SPP2: variants seen among roughly 807,000 people sequenced by gnomAD.
SPP2 encodes the protein secreted phosphoprotein 24.
SPP2 carries 34 observed loss-of-function variants against 28.8 expected under a neutral mutation model. The observed-to-expected ratio is 1.18, with a 90% CI of 0.90 to 1.57. The LOEUF (loss-of-function observed/expected upper bound fraction) is 1.57. Among genes scored for constraint, SPP2 ranks in the 40% most tolerant of loss-of-function variants. SPP2 has a pLI of 0.00. For synonymous variants in SPP2, 96 were observed against 89.4 expected, an observed-to-expected ratio of 1.07 and a Z score of -0.42; for missense variants, 269 against 263.9, an observed-to-expected ratio of 1.02 and a Z score of -0.13.
intron 3 of SPP2, 99 bp from the exon 4 acceptor site, chr2:234,060,270 T>G (rs1349320873): frequency 1.7e-5 from 14 of 816,296 alleles, no homozygotes; most frequent in Non-Finnish European, 2.4e-5. Context: ...TTCTTTGTCA[T>G]TTCGTCAAAC....
intron 4 of SPP2, 58 bp downstream of exon 4, chr2:234,060,537 G>C: frequency 7.1e-7 from 1 of 1,402,628 alleles, no homozygotes; most frequent in South Asian, 1.2e-5. Context: ...GTGTGGGTTT[G>C]TGAAAAACAG....
At position 234,060,654 on chromosome 2, in the gene SPP2, C is replaced by T. The variant is rs1178179250; in HGVS notation, c.444+175C>T. On this transcript the variant is annotated intron_variant, in intron 4 of 7. Transcript: ENST00000168148. The stretch of plus-strand genomic sequence containing the variant: ...ACCTACAGCCTCATTGTCCACATCC[C>T]CTACTTCTCCCAGCTTATTCTTTCA... Among the ~76,000 whole-genome samples, 10 of 151,998 alleles carry T rather than the reference C, an allele frequency of 6.6e-5. 1 individual carries two copies. Among genetic ancestry groups the T allele is most frequent in the Admixed American group, 6.6e-4 (10 of 15,254 alleles).
At chr2:234,067,044 G>T (rs1248427492) in intron 5 of SPP2, among the ~76,000 whole-genome samples, 180 bp from the exon 6 acceptor site, 1 of 152,152 alleles carries the variant, frequency 6.6e-6, no homozygotes, top group Non-Finnish European at 1.5e-5. Context: ...AAGTGGGTTG[G>T]GTTAGTGTTC....
At chr2:234,053,935 A>G (rs1264444375) in intron 2 of SPP2, among the ~76,000 whole-genome samples, 1 of 151,382 alleles carries the variant, frequency 6.6e-6, no homozygotes, top group African/African-American at 2.4e-5. Context: ...AGGGAGGGGA[A>G]GGGGAAGAAA....
intron 7 of SPP2, among the ~76,000 whole-genome samples, chr2:234,072,717 GC>G (rs1690819878): frequency 6.6e-6 from 1 of 152,134 alleles, no homozygotes; most frequent in Non-Finnish European, 1.5e-5. Context: ...GGTAAGGCCG[GC>G]ATAGTGGGTC....
chr2:234,073,044 C>G (rs999996753), intron 7 of SPP2, among the ~76,000 whole-genome samples: 1 of 152,066 alleles, frequency 6.6e-6, no homozygotes, highest in Non-Finnish European at 1.5e-5. Flanking sequence ...CCCACCACCA[C>G]GCCCAGCTAA....
At chr2:234,072,206 T>C (rs1690803192) in intron 7 of SPP2, among the ~76,000 whole-genome samples, 1 of 152,230 alleles carries the variant, frequency 6.6e-6, no homozygotes, top group Non-Finnish European at 1.5e-5. Flanking sequence ...TCAACTGACA[T>C]TTTACTAAAA....
intron 2 of SPP2, among the ~76,000 whole-genome samples, chr2:234,052,773 C>A (rs754327658): frequency 6.6e-6 from 1 of 152,174 alleles, no homozygotes; most frequent in African/African-American, 2.4e-5. Flanking sequence ...CTACAGTCAC[C>A]GTGCCCTCTT....
At chr2:234,052,694 C>A (rs1471832898) in intron 2 of SPP2, among the ~76,000 whole-genome samples, 1 of 152,202 alleles carries the variant, frequency 6.6e-6, no homozygotes, top group African/African-American at 2.4e-5. Context: ...TACACTGCTC[C>A]TTTACCTGGA....
intron 2 of SPP2, among the ~76,000 whole-genome samples, chr2:234,053,534 C>T (rs1208604769): frequency 6.6e-6 from 1 of 151,648 alleles, no homozygotes; most frequent in Non-Finnish European, 1.5e-5. Context: ...CCTTAAATCC[C>T]AGTCTCTGAG....
intron 4 of SPP2, among the ~76,000 whole-genome samples, chr2:234,062,308 A>G (rs1693735005): frequency 6.6e-6 from 1 of 152,220 alleles, no homozygotes; most frequent in Non-Finnish European, 1.5e-5. Flanking sequence ...AGAAGTCAGA[A>G]CAAACAGGGC....
At chr2:234,069,904 T>C (rs371618170) in intron 6 of SPP2, 24 bp from the exon 7 acceptor site, 14 of 1,577,284 alleles carry the variant, frequency 8.9e-6, no homozygotes, top group African/African-American at 1.3e-5. Flanking sequence ...TGACAGAGCC[T>C]ATGCTTCCCT....
intron 4 of SPP2, among the ~76,000 whole-genome samples, chr2:234,064,325 C>CTTG (rs2125462599): frequency 6.6e-6 from 1 of 152,114 alleles, no homozygotes; most frequent in South Asian, 2.1e-4. Context: ...CCCCTTGCAG[C>CTTG]AGGAAGTAAA....
At chr2:234,075,911 C>T (rs1362598937) in intron 7 of SPP2, among the ~76,000 whole-genome samples, 1 of 152,198 alleles carries the variant, frequency 6.6e-6, no homozygotes, top group Non-Finnish European at 1.5e-5. Flanking sequence ...TCTCAGACCT[C>T]CTCCCCACCT....
intron 7 of SPP2, among the ~76,000 whole-genome samples, chr2:234,070,483 G>C (rs1690741752): frequency 6.6e-6 from 1 of 152,110 alleles, no homozygotes; most frequent in African/African-American, 2.4e-5. Context: ...TTTTTTGAGA[G>C]GGAGTTTCGC....
At chr2:234,057,258 C>G (rs1693627500) in intron 2 of SPP2, among the ~76,000 whole-genome samples, 1 of 152,158 alleles carries the variant, frequency 6.6e-6, no homozygotes, top group African/African-American at 2.4e-5. Flanking sequence ...AAACACCTTT[C>G]CGTGGGCTCC....
chr2:234,076,674 C>T (rs1690904937), intron 7 of SPP2, among the ~76,000 whole-genome samples, 171 bp from the exon 8 acceptor site: 1 of 152,052 alleles, frequency 6.6e-6, no homozygotes, highest in African/African-American at 2.4e-5. Context: ...TGGTTCCTTC[C>T]TTCCTTACCT....
At chr2:234,071,115 A>T (rs759320281) in intron 7 of SPP2, among the ~76,000 whole-genome samples, 1 of 152,056 alleles carries the variant, frequency 6.6e-6, no homozygotes, top group Non-Finnish European at 1.5e-5. Context: ...TGGAACATAC[A>T]TTGGGGTCCA....
chr2:234,061,686 A>C (rs1437491386), intron 4 of SPP2, among the ~76,000 whole-genome samples: 1 of 152,208 alleles, frequency 6.6e-6, no homozygotes, highest in Non-Finnish European at 1.5e-5. Flanking sequence ...CTGGAGGTAC[A>C]TTTTAGAATT....
Sources: allele counts gnomAD v4.1 joint callset (sites outside exome capture counted in the v4.1 genomes callset), GRCh38; gene constraint gnomAD v4.1.1; transcripts MANE v1.5; gene names NCBI Gene and HGNC (gene_info 2026-07-23, HGNC 2026-07-21).